Variants in SYNPO observed in about 807,000 individuals in gnomAD.
SYNPO encodes synaptopodin.
In SYNPO, 19 loss-of-function variants were observed where a neutral mutation model predicts 49.5. The observed-to-expected ratio is 0.38, with a 90% CI of 0.27 to 0.56. The LOEUF (loss-of-function observed/expected upper bound fraction) is 0.56, where lower values mean the gene tolerates loss of function less well. Among genes scored for constraint, SYNPO ranks in the 20% least tolerant of loss-of-function variants. The probability of loss-of-function intolerance (pLI) is 0.68; values close to 1 mark genes in which losing one functional copy is unlikely to be tolerated. For missense variants in SYNPO, 1,131 were observed against 1,248.3 expected (o/e 0.91, Z 1.42); for synonymous variants, 536 against 548.0 (o/e 0.98, Z 0.31).
the SYNPO span, among the ~76,000 whole-genome samples, chr5:150,592,178 A>AAAGAAG: frequency 3.9e-5 from 6 of 152,224 alleles, no homozygotes; most frequent in African/African-American, 9.6e-5. Flanking sequence ...AAGAAAAGAA[A>AAAGAAG]AAGAAGAAGA....
intron 1 of SYNPO, among the ~76,000 whole-genome samples, chr5:150,602,089 CTGGGA>C (rs1756559236): frequency 6.6e-6 from 1 of 152,208 alleles, no homozygotes; most frequent in Admixed American, 6.5e-5. Flanking sequence ...ACAGAGGACA[CTGGGA>C]TGTGGGCTCA....
chr5:150,655,200 TAAACTTATATA>T (rs1467361906), intron 2 of SYNPO, among the ~76,000 whole-genome samples: 1 of 152,262 alleles, frequency 6.6e-6, no homozygotes, highest in Non-Finnish European at 1.5e-5. Context: ...TTCAGAAATC[TAAACTTATATA>T]AAAAGTAATA....
At position 150,656,830 on chromosome 5, in the gene SYNPO, G is replaced by A. The variant is rs940196360; in HGVS notation, c.2455G>A (p.Ala819Thr). 1 of 1,537,776 alleles carries A rather than the reference G, an allele frequency of 6.5e-7. No homozygotes were observed. Among genetic ancestry groups the A allele is most frequent in the Non-Finnish European group, 8.7e-7 (1 of 1,145,884 alleles). ...RPGSAAVPGAAFAPIPRSPLP... is the reference protein window; with the variant it reads ...RPGSAAVPGATFAPIPRSPLP... ...CGGCTCGGCTGCTGTGCCGGGGGCA[G>A]CCTTCGCGCCCATCCCGCGGAGCCC... is the stretch of plus-strand genomic sequence containing the variant. The change falls in exon 3 of 3, where the codon GCC becomes ACC. Residue 819 changes from alanine (A) to threonine (T), a missense_variant. This residue lies in a region of SYNPO where 509 missense variants were observed against 484.5 expected (regional missense o/e 1.05). Transcript: ENST00000307662.
intron 2 of SYNPO, among the ~76,000 whole-genome samples, chr5:150,620,583 G>A (rs7719412): frequency 0.099 from 15,013 of 152,256 alleles, 1,772 homozygotes; most frequent in East Asian, 0.27. Context: ...TGGAATTATA[G>A]GAGTAAAGTG....
At chr5:150,626,889 G>A (rs1757375304) in intron 2 of SYNPO, among the ~76,000 whole-genome samples, 1 of 152,150 alleles carries the variant, frequency 6.6e-6, no homozygotes, top group African/African-American at 2.4e-5. Context: ...TGGAGCACCT[G>A]GAGAGAGAGG....
chr5:150,609,482 A>G (rs1464840893), intron 1 of SYNPO, among the ~76,000 whole-genome samples: 1 of 152,094 alleles, frequency 6.6e-6, no homozygotes, highest in Non-Finnish European at 1.5e-5. Flanking sequence ...TTTAGTAGAA[A>G]TGGGGTTTCA....
At chr5:150,612,024 C>T (rs1008941353) in intron 1 of SYNPO, among the ~76,000 whole-genome samples, 5 of 152,222 alleles carry the variant, frequency 3.3e-5, no homozygotes, top group African/African-American at 7.2e-5. Flanking sequence ...TGGAATTCCC[C>T]GCCTTTGGAG....
intron 2 of SYNPO, chr5:150,651,930 G>C: frequency 6.0e-6 from 6 of 1,000,488 alleles, no homozygotes; most frequent in Non-Finnish European, 7.2e-6. Context: ...GATTCAGATG[G>C]AAGCTTCGCA....
In SYNPO at chr5:150,650,753, GC is replaced by G. The variant is rs1192491219; in HGVS notation, c.2028+452del. The G allele has an allele frequency of 4.1e-5, 53 of 1,294,012 alleles. No homozygotes were observed. In the East Asian group the frequency reaches 1.5e-3, roughly 38 times the overall value. The allele number at this position is 1,294,012 out of a possible 1,614,324, so 80.2% of individuals were successfully genotyped here. A position where few individuals can be genotyped will look rare whatever the true frequency, so the allele number is the denominator to read the frequency against. On this transcript the variant is annotated intron_variant, in intron 2 of 2. Coordinates refer to ENST00000307662, the MANE Select transcript of SYNPO (RefSeq NM_007286.6). ...CTGCCAGTGCCTGTGGAGTCAGCCA[GC>G]CGAGGGTCTGCCTCCTCAGCTGCCC...
intron 2 of SYNPO, chr5:150,650,799 AGGCTCAAGCTCC>A: frequency 7.8e-7 from 1 of 1,289,682 alleles, no homozygotes; most frequent in Non-Finnish European, 9.9e-7. Flanking sequence ...CTCCCTCCTG[AGGCTCAAGCTCC>A]TGGCGTCTTT....
upstream of SYNPO, among the ~76,000 whole-genome samples, chr5:150,599,371 C>T (rs1756481237): frequency 6.6e-6 from 1 of 152,116 alleles, no homozygotes; most frequent in Non-Finnish European, 1.5e-5. Context: ...TGGGGGTGCT[C>T]TTCCTGGCAG....
At position 150,657,017 on chromosome 5, in the gene SYNPO, C is replaced by T. The variant is rs1758596995; in HGVS notation, c.2642C>T (p.Pro881Leu). Residue 881 changes from proline to leucine, a missense_variant, in exon 3 of 3, where the codon CCC becomes CTC. Physicochemically the swap from Pro to Leu is moderately conservative, Grantham distance 98 (BLOSUM62 -3). Coordinates refer to ENST00000307662, the MANE Select transcript of SYNPO (RefSeq NM_007286.6). The part of the protein sequence containing the change: ...SPGILGYNIC[P>L]RGWNGSLRLK... The stretch of plus-strand genomic sequence containing the variant: ...GGCATCCTGGGCTACAATATCTGTC[C>T]CCGCGGGTGGAATGGCAGCCTTCGG... 6.2e-7 allele frequency: 1 copy of T among 1,602,164 alleles called. No homozygotes were observed. The highest frequency in any genetic ancestry group is 8.5e-7 in the Non-Finnish European group (1 of 1,174,772).
rs1758176955 is a variant in SYNPO, at chr5:150,648,176, T to C, written c.-100T>C. 6.4e-7 allele frequency: 1 copy of C among 1,568,440 alleles called. No homozygotes were observed. The highest frequency in any genetic ancestry group is 2.4e-5 in the East Asian group (1 of 42,300). On this transcript the variant is annotated 5_prime_UTR_variant, in exon 2 of 3. An upstream start codon of the reference 5' UTR is lost. Transcript: ENST00000307662. This position sits in a 1 kb window ranked among gnomAD's most constrained non-coding sequence, Gnocchi z 5.0. The stretch of plus-strand genomic sequence containing the variant: ...TGCTCCCTTCAAGCCTCCCAGGCCA[T>C]GCACCGGGGCTCAGCCTGAGTTCCA...
exon 2 of SYNPO, chr5:150,618,427 C>T: frequency 1.3e-6 from 2 of 1,551,680 alleles, no homozygotes; most frequent in African/African-American, 2.7e-5. Flanking sequence ...GGCCTACCCC[C>T]TGCGCCTTCC....
intron 1 of SYNPO, among the ~76,000 whole-genome samples, chr5:150,603,988 A>G (rs1314606130): frequency 6.6e-6 from 1 of 152,216 alleles, no homozygotes; most frequent in Non-Finnish European, 1.5e-5. Flanking sequence ...GGAGATGGGC[A>G]TATGGAGTCA....
At position 150,618,645 on chromosome 5, in the gene SYNPO, AG is replaced by A. The variant is rs2151366868; in HGVS notation, c.280del (p.Glu94AsnfsTer17). The A allele has an allele frequency of 6.4e-7, 1 of 1,551,210 alleles. No individual in the cohort carries two copies. The highest frequency in any genetic ancestry group is 2.0e-5 in the Admixed American group (1 of 50,996). ...ATCCAACCACCCAGCTGCTCCAGAG[AG>A]GAACAAGGGGCGTCCCAGCACGACG... On this transcript the variant is annotated frameshift_variant, in exon 2 of 3. Coordinates refer to the SYNPO transcript ENST00000394243. LOFTEE classifies it high-confidence loss of function.
chr5:150,651,776 A>G, intron 2 of SYNPO: 3 of 1,000,418 alleles, frequency 3.0e-6, no homozygotes, highest in Non-Finnish European at 3.6e-6. Flanking sequence ...TGTAGGTCTC[A>G]GTTTCCACAT....
intron 2 of SYNPO, 55 bp downstream of exon 2, chr5:150,650,358 C>T (rs538278222): frequency 7.5e-6 from 12 of 1,610,000 alleles, no homozygotes; most frequent in East Asian, 4.5e-5. Flanking sequence ...GTCCCACTGC[C>T]GGTCAAGTTC....
intron 2 of SYNPO, among the ~76,000 whole-genome samples, chr5:150,633,442 G>A (rs1757606542): frequency 6.6e-6 from 1 of 152,210 alleles, no homozygotes; most frequent in Non-Finnish European, 1.5e-5. Context: ...CAGTGAGAGG[G>A]GTCTTGTGGC....
Sources: gnomAD v4.1 joint callset for allele counts (sites outside exome capture counted in the v4.1 genomes callset) on GRCh38, gnomAD v4.1.1 for gene constraint, gnomAD v4.1.1 regional missense constraint, Gnocchi (gnomAD v3.1) non-coding constraint, MANE v1.5 for transcripts, NCBI Gene and HGNC (gene_info 2026-07-23, HGNC 2026-07-21) for gene names.